The following FCHO1 variants were observed in gnomAD, a reference collection of about 807,000 sequenced individuals.
FCHO1 encodes the protein FCH and mu domain containing endocytic adaptor 1.
In FCHO1, 45 loss-of-function variants were observed where a neutral mutation model predicts 114.4. The ratio of observed to expected loss-of-function variants is 0.39; its 90% CI spans 0.31 to 0.50. The LOEUF (loss-of-function observed/expected upper bound fraction) is 0.50, where lower values mean the gene tolerates loss of function less well. Ranked by LOEUF, FCHO1 falls within the 20% of genes least tolerant of loss-of-function variation. The pLI is 0.77. For missense variants in FCHO1, 1,042 were observed against 1,209.6 expected (o/e 0.86, Z 2.06); for synonymous variants, 480 against 488.9 (o/e 0.98, Z 0.24).
rs546526336 is a variant in FCHO1 at position 17,766,890 on chromosome 19, T to TA, written c.336+80_336+81insA. On this transcript the variant is annotated intron_variant, in intron 7 of 28. Transcript: ENST00000596536. ...CACAGGACCCCAGATCTTCTGGGGC[T>TA]TTATAACCTGCGGATGTCCGCCTCC... The TA allele has an allele frequency of 2.3e-5, 33 of 1,435,166 alleles. No homozygotes were observed. The South Asian group carries it at 4.0e-4, about 17-fold the overall frequency. 88.9% of individuals were successfully genotyped at this position (1,435,166 alleles called of 1,614,324 possible). A position where few individuals can be genotyped will look rare whatever the true frequency, so the allele number is the denominator to read the frequency against.
At position 17,778,773 on chromosome 19, in the gene FCHO1, A is replaced by G; in HGVS notation, c.1516A>G (p.Arg506Gly). ...PGTPQSPPSC[R>G]APPPEARGIR... ...CACCCCGCAGAGCCCGCCCAGCTGT[A>G]GGGCGCCACCCCCAGAGGCCAGGGG... The change falls in exon 20 of 29, where the codon AGG becomes GGG. Residue 506 changes from arginine (R) to glycine (G), a missense_variant. By Grantham distance (125) the Arg-to-Gly change is moderately radical. This residue lies in a region of FCHO1 where 455 missense variants were observed against 455.4 expected (regional missense o/e 1.00). Transcript: ENST00000596536. 1.3e-6 allele frequency: 2 copies of G among 1,538,764 alleles called. No individual in the cohort carries two copies. The highest frequency in any genetic ancestry group is 1.7e-6 in the Non-Finnish European group (2 of 1,147,784).
upstream of FCHO1, among the ~76,000 whole-genome samples, chr19:17,749,004 G>A (rs1430895191): frequency 6.6e-6 from 1 of 152,154 alleles, no homozygotes; most frequent in African/African-American, 2.4e-5. Flanking sequence ...CTCTGATATT[G>A]GGGCTGAGGG....
intron 4 of FCHO1, chr19:17,758,741 G>C (rs1259155763): frequency 6.6e-6 from 1 of 152,290 alleles, no homozygotes; most frequent in African/African-American, 2.4e-5. Flanking sequence ...GGGAGGCTGA[G>C]ATGGGAGGAT....
rs754135952 is a variant in FCHO1 at position 17,766,773 on chromosome 19, T to G, written c.299T>G (p.Leu100Arg). 5.6e-6 allele frequency: 9 copies of G among 1,614,132 alleles called. No homozygotes were observed. Among genetic ancestry groups the G allele is most frequent in the Non-Finnish European group, 7.6e-6 (9 of 1,180,008 alleles). The change falls in exon 7 of 29, where the codon CTC becomes CGC. Residue 100 changes from leucine (L) to arginine (R), a missense_variant. This residue lies in a region of FCHO1 where 450 missense variants were observed against 564.1 expected (regional missense o/e 0.80). Transcript: ENST00000596536. Reference sequence around the variant, plus strand: ...TTACAGGATCTCATCAAGGACGTTCTCCGCTACGGCGAGGAACAGCTCAAG... The same window carrying G: ...TTACAGGATCTCATCAAGGACGTTCGCCGCTACGGCGAGGAACAGCTCAAG... ...RKLQDLIKDV[L>R]RYGEEQLKTH...
chr19:17,764,318 G>A, intron 5 of FCHO1, 57 bp from the exon 6 acceptor site: 2 of 1,557,152 alleles, frequency 1.3e-6, no homozygotes, highest in Non-Finnish European at 1.8e-6. Flanking sequence ...TGGGATTACA[G>A]GCGTGAACCA....
upstream of FCHO1, among the ~76,000 whole-genome samples, chr19:17,749,984 A>G (rs2081501239): frequency 6.6e-6 from 1 of 152,186 alleles, no homozygotes. Context: ...CAAGGTCATC[A>G]GGCAAGACGT....
rs957003432 is a variant in FCHO1 at position 17,786,693 on chromosome 19, T to G, written c.2482+64T>G. ...CTGGGGTCAGGTGGGAGGCACTTAT[T>G]TATGTTGGGGAAGAATTGGGGACAT... On this transcript the variant is annotated intron_variant, in intron 27 of 28. Transcript: ENST00000596536. 9.0e-6 allele frequency: 14 copies of G among 1,547,384 alleles called. No homozygotes were observed. The African/African-American group carries it at 1.9e-4, about 21-fold the overall frequency.
At chr19:17,786,746 A>T (rs886250727) in intron 27 of FCHO1, 117 bp downstream of exon 27, 2 of 1,140,988 alleles carry the variant, frequency 1.8e-6, no homozygotes, top group African/African-American at 3.1e-5. Context: ...ATGGGCATTG[A>T]GGAAGTCTTT....
At chr19:17,750,822 C>CTTTTTT (rs1326515643), upstream of FCHO1, among the ~76,000 whole-genome samples, 3 of 143,782 alleles carry the variant, frequency 2.1e-5, no homozygotes, top group Non-Finnish European at 4.6e-5. Flanking sequence ...CTTCCCCTTT[C>CTTTTTT]TTTTCTTTTT....
In FCHO1 at chr19:17,781,221, T is replaced by A. The variant is rs2093379096; in HGVS notation, c.1628-10T>A. 1 of 1,598,650 alleles carries A rather than the reference T, an allele frequency of 6.3e-7. No homozygotes were observed. The highest frequency in any genetic ancestry group is 8.6e-7 in the Non-Finnish European group (1 of 1,169,042). On this transcript the variant is annotated splice_polypyrimidine_tract_variant and intron_variant, in intron 20 of 28. Coordinates refer to ENST00000596536, the MANE Select transcript of FCHO1 (RefSeq NM_015122.3). ...GCATCTCAGCAGTGCCTCTTTGTAC[T>A]CGCTCCTAGACCTGATGCCTGCACC...
intron 9 of FCHO1, 112 bp downstream of exon 9, chr19:17,771,008 C>T: frequency 2.3e-6 from 2 of 872,136 alleles, no homozygotes; most frequent in South Asian, 1.5e-5. Flanking sequence ...AATCCCAGCA[C>T]TTTGGGAGGC....
rs2093916585 is a variant in FCHO1, at chr19:17,786,578, C to T, written c.2431C>T (p.Leu811=). The change falls in exon 27 of 29, where the codon CTG becomes TTG. Residue 811 remains leucine, a synonymous_variant. Coordinates refer to ENST00000596536, the MANE Select transcript of FCHO1 (RefSeq NM_015122.3). ...VRLQPAATWN[L]EEKRLTWRLP... is the part of the protein sequence containing the mutation. Reference sequence around the variant, plus strand: ...TTAAGATTCTTTCTCTGCCAGGAACCTGGAGGAGAAGCGGCTCACTTGGAG... The same window carrying T: ...TTAAGATTCTTTCTCTGCCAGGAACTTGGAGGAGAAGCGGCTCACTTGGAG... 2 of 1,426,354 alleles carry T rather than the reference C, an allele frequency of 1.4e-6. No individual in the cohort carries two copies. Among genetic ancestry groups the T allele is most frequent in the African/African-American group, 3.0e-5 (2 of 66,190 alleles). 88.4% of individuals were successfully genotyped at this position (1,426,354 alleles called of 1,614,324 possible).
At chr19:17,749,439 C>T (rs947178369), upstream of FCHO1, among the ~76,000 whole-genome samples, 1 of 152,052 alleles carries the variant, frequency 6.6e-6, no homozygotes, top group Admixed American at 6.6e-5. Context: ...CTCTTTAAAT[C>T]GGGTCACAGC....
chr19:17,778,682 C>T lies in FCHO1; in HGVS notation c.1425C>T (p.Ser475=). Residue 475 remains serine, a synonymous_variant, in exon 20 of 29, where the codon TCC becomes TCT. Transcript: ENST00000596536. ...SSSSPENVED[S]GLDSPSHAAP... is the part of the protein sequence containing the mutation. ...CGTCGCCCGAAAACGTGGAGGATTC[C>T]GGCCTGGACTCTCCGTCCCACGCGG... is the stretch of plus-strand genomic sequence containing the variant. The T allele has an allele frequency of 5.1e-6, 8 of 1,564,840 alleles. No homozygotes were observed. Among genetic ancestry groups the T allele is most frequent in the Non-Finnish European group, 6.9e-6 (8 of 1,159,670 alleles).
intron 7 of FCHO1, among the ~76,000 whole-genome samples, chr19:17,769,670 G>C (rs1568341936): frequency 6.6e-6 from 1 of 151,650 alleles, no homozygotes; most frequent in African/African-American, 2.4e-5. Context: ...GCCACTGTTT[G>C]TCATAAAACT....
At chr19:17,765,390 G>GC (rs1016976430) in intron 6 of FCHO1, among the ~76,000 whole-genome samples, 2 of 152,108 alleles carry the variant, frequency 1.3e-5, no homozygotes, top group Non-Finnish European at 2.9e-5. Flanking sequence ...TGAACCTTGT[G>GC]CCCGGGCGCG....
chr19:17,774,962 G>T, intron 13 of FCHO1, 94 bp from the exon 14 acceptor site: 1 of 1,402,428 alleles, frequency 7.1e-7, no homozygotes. Flanking sequence ...CAGTCTGGGA[G>T]CTGCCCCAGC....
intron 4 of FCHO1, among the ~76,000 whole-genome samples, chr19:17,757,228 G>A (rs1451255670): frequency 2.0e-5 from 3 of 151,668 alleles, no homozygotes; most frequent in Admixed American, 1.3e-4. Flanking sequence ...CTGGCACAGA[G>A]GCCAAGTCTG....
In FCHO1 at chr19:17,781,268, G is replaced by C. The variant is rs989208646; in HGVS notation, c.1665G>C (p.Glu555Asp). The C allele has an allele frequency of 1.2e-6, 2 of 1,613,944 alleles. No individual in the cohort carries two copies. The highest frequency in any genetic ancestry group is 1.7e-6 in the Non-Finnish European group (2 of 1,179,914). Residue 555 changes from glutamate to aspartate, a missense_variant, in exon 21 of 29, where the codon GAG (glutamate) becomes GAC (aspartate). By Grantham distance (45) the Glu-to-Asp change is conservative. Transcript: ENST00000596536. The stretch of plus-strand genomic sequence containing the variant: ...CACCTGCTGACCCCACAGCCAGGGA[G>C]GGCCTGGCAGCCCCACCCAGGAGAC... ...MPAPADPTAREGLAAPPRRLR... is the reference protein window; with the variant it reads ...MPAPADPTARDGLAAPPRRLR...
Sources: allele counts gnomAD v4.1 joint callset (sites outside exome capture counted in the v4.1 genomes callset), GRCh38; gene constraint gnomAD v4.1.1; regional missense constraint gnomAD v4.1.1; transcripts MANE v1.5; gene names NCBI Gene and HGNC (gene_info 2026-07-23, HGNC 2026-07-21).